The following C2 variants were observed in gnomAD, a reference collection of about 807,000 sequenced individuals.
C2 encodes the protein complement C2.
A neutral mutation model predicts 85.2 loss-of-function variants in C2; 64 were observed. The ratio of observed to expected loss-of-function variants is 0.75; its 90% confidence interval spans 0.61 to 0.92. C2 has a LOEUF of 0.92. Ranked by LOEUF, C2 falls within the 40% of genes least tolerant of loss-of-function variation. The pLI, the probability that C2 is intolerant of heterozygous loss-of-function variation, is 0.00. For synonymous variants in C2, 311 were observed against 370.8 expected (o/e 0.84, Z 1.85); for missense variants, 820 against 971.6 (o/e 0.84, Z 2.07).
chr6:31,944,966 C>T lies in C2; in HGVS notation c.2030-14C>T, dbSNP rs1771251788. The T allele has an allele frequency of 1.9e-6, 3 of 1,613,036 alleles. No individual in the cohort carries two copies. Among genetic ancestry groups the T allele is most frequent in the Non-Finnish European group, 1.7e-6 (2 of 1,179,994 alleles). ...CCCTAGATGACACTGTCTCCTGTCA[C>T]CCTTTGCTGGCAGGAGAATCTGGGG... On this transcript the variant is annotated splice_polypyrimidine_tract_variant and intron_variant, in intron 16 of 17. Transcript: ENST00000299367. This position sits in a 1 kb window ranked among gnomAD's most constrained non-coding sequence, Gnocchi z 5.1.
Position 31,928,175 on chromosome 6 carries a change from C to T in C2, c.256+11C>T, listed in dbSNP as rs771148474. The stretch of plus-strand genomic sequence containing the variant: ...AGGCGGTCTGCAAACGTGAGGCTCC[C>T]TGTGGGCTTTGCTCAGGGTGCTACA... On this transcript the variant is annotated intron_variant, in intron 2 of 17. Transcript: ENST00000299367. The T allele has an allele frequency of 4.4e-5, 70 of 1,599,882 alleles. No individual in the cohort carries two copies. Among genetic ancestry groups the T allele is most frequent in the East Asian group, 1.3e-4 (6 of 44,586 alleles).
chr6:31,929,662 G>T (rs948037232), intron 3 of C2, among the ~76,000 whole-genome samples: 30 of 145,048 alleles, frequency 2.1e-4, no homozygotes, highest in African/African-American at 7.4e-4. Flanking sequence ...AGATTGCAGT[G>T]AGCCGAGATT....
chr6:31,927,384 G>A, upstream of C2: 1 of 620,714 alleles, frequency 1.6e-6, no homozygotes, highest in Non-Finnish European at 2.4e-6. The surrounding 1 kb of genome is among the most constrained non-coding windows in gnomAD (Gnocchi z 4.7). Flanking sequence ...ACAAGAGCAA[G>A]GTGCATGTGT....
upstream of C2, among the ~76,000 whole-genome samples, chr6:31,915,194 T>G (rs58784982): frequency 0.025 from 3,789 of 152,272 alleles, 136 homozygotes; most frequent in African/African-American, 0.085. Flanking sequence ...TATCTAAAAT[T>G]CCATATAGCA....
upstream of C2, chr6:31,919,956 A>G (rs1273697798): frequency 6.6e-6 from 1 of 152,132 alleles, no homozygotes; most frequent in Non-Finnish European, 1.5e-5. Context: ...TGATGGTCCT[A>G]ATTCTCAAAG....
intron 3 of C2, among the ~76,000 whole-genome samples, chr6:31,930,484 G>A (rs1187064502): frequency 6.6e-6 from 1 of 152,202 alleles, no homozygotes; most frequent in African/African-American, 2.4e-5. Flanking sequence ...CTCAGTAGCT[G>A]GGAATGCAGG....
Position 31,945,617 on chromosome 6 carries a change from C to T in C2, c.*260C>T, listed in dbSNP as rs1771344194. On this transcript the variant is annotated 3_prime_UTR_variant, in exon 18 of 18. Transcript: ENST00000299367. This position sits in a 1 kb window ranked among gnomAD's most constrained non-coding sequence, Gnocchi z 5.3. Reference sequence around the variant, plus strand: ...TGGTTGACTTGACTCATGCTTGTTTCACTTTCACATGGAATTTCCCAGTTA... The same window carrying T: ...TGGTTGACTTGACTCATGCTTGTTTTACTTTCACATGGAATTTCCCAGTTA... 6 of 583,884 alleles carry T rather than the reference C, an allele frequency of 1.0e-5. No individual in the cohort carries two copies. Among genetic ancestry groups the T allele is most frequent in the African/African-American group, 1.9e-5 (1 of 53,650 alleles). The allele number at this position is 583,884 out of a possible 1,614,324, so 36.2% of individuals were successfully genotyped here.
intron 1 of C2, among the ~76,000 whole-genome samples, chr6:31,909,512 A>T (rs1019741063): frequency 1.3e-5 from 2 of 151,710 alleles, no homozygotes; most frequent in Non-Finnish European, 2.9e-5. Flanking sequence ...GCTGGTCTGG[A>T]ACTCCTGAGC....
At chr6:31,917,718 C>T (rs1481419475), upstream of C2, among the ~76,000 whole-genome samples, 1 of 151,824 alleles carries the variant, frequency 6.6e-6, no homozygotes, top group African/African-American at 2.4e-5. Context: ...CCAGCCTGGC[C>T]AACATGGTGA....
intron 1 of C2, among the ~76,000 whole-genome samples, chr6:31,903,850 C>T (rs1373356623): frequency 1.3e-5 from 2 of 151,810 alleles, no homozygotes; most frequent in Non-Finnish European, 2.9e-5. Context: ...TTTGTATGCC[C>T]GCACCCAGTT....
intron 1 of C2, among the ~76,000 whole-genome samples, chr6:31,909,944 G>A (rs1246400028): frequency 3.3e-5 from 5 of 151,364 alleles, no homozygotes; most frequent in Admixed American, 1.3e-4. Context: ...ACAGTGGTGC[G>A]ATCTTGGCTC....
At position 31,937,227 on chromosome 6, in the gene C2, A is replaced by C. The variant is rs537472753; in HGVS notation, c.989-92A>C. On this transcript the variant is annotated intron_variant, in intron 7 of 17. Coordinates refer to ENST00000299367, the MANE Select transcript of C2 (RefSeq NM_000063.6). ...CTCTCAAAAAAAAAAAAAAAATTGC[A>C]TTTCCAATAATTGGGGGAATAGAGT... is the stretch of plus-strand genomic sequence containing the variant. 2.5e-4 allele frequency: 349 copies of C among 1,375,498 alleles called. No homozygotes were observed. The East Asian group carries it at 4.5e-3, about 18-fold the overall frequency. The allele number at this position is 1,375,498 out of a possible 1,614,324, so 85.2% of individuals were successfully genotyped here.
At chr6:31,905,439 TA>T (rs5875339) in intron 1 of C2, among the ~76,000 whole-genome samples, 113,660 of 149,744 alleles carry the variant, frequency 0.76, 43,900 homozygotes, top group Middle Eastern at 0.9. Flanking sequence ...CCCTGTCTTT[TA>T]AAAAAAAAAT....
exon 1 of C2, chr6:31,901,075 A>C: frequency 6.2e-7 from 1 of 1,614,162 alleles, no homozygotes. Context: ...CGATGCGTGC[A>C]CTGTGCATCA....
At chr6:31,933,997 C>G (rs780889412) in intron 5 of C2, 32 bp downstream of exon 5, 19 of 1,591,704 alleles carry the variant, frequency 1.2e-5, no homozygotes, top group Non-Finnish European at 1.3e-5. Flanking sequence ...TCTGGTTGAG[C>G]AGGGTGCTGG....
chr6:31,906,982 CA>C (rs981303349), intron 1 of C2, among the ~76,000 whole-genome samples: 2 of 150,262 alleles, frequency 1.3e-5, no homozygotes, highest in South Asian at 2.1e-4. Flanking sequence ...ACTGAAAATG[CA>C]AAAAAAATTA....
Position 31,936,000 on chromosome 6 carries a change from G to A in C2, c.927G>A (p.Leu309=). ...AGCCCAAAGTCCTCATGTCTGTCCTGAACGACAACTCCCGGGATATGACTG... is the reference window on the plus strand; with the variant it reads ...AGCCCAAAGTCCTCATGTCTGTCCTAAACGACAACTCCCGGGATATGACTG... The part of the protein sequence containing the change: ...ASEPKVLMSV[L]NDNSRDMTEV... The change falls in exon 7 of 18, where the codon CTG becomes CTA. Residue 309 remains leucine, a synonymous_variant. Coordinates refer to ENST00000299367, the MANE Select transcript of C2 (RefSeq NM_000063.6). The surrounding 1 kb of genome is among the most constrained non-coding windows in gnomAD (Gnocchi z 4.3). 1 of 1,613,046 alleles carries A rather than the reference G, an allele frequency of 6.2e-7. No individual in the cohort carries two copies.
At chr6:31,910,652 G>C (rs1295877734) in intron 1 of C2, among the ~76,000 whole-genome samples, 2 of 152,036 alleles carry the variant, frequency 1.3e-5, no homozygotes, top group African/African-American at 4.8e-5. Flanking sequence ...TGAAATTTCT[G>C]ACTGTTAAAG....
chr6:31,939,367 T>C, intron 9 of C2, 47 bp downstream of exon 9: 1 of 1,350,630 alleles, frequency 7.4e-7, no homozygotes. Flanking sequence ...CCTGCAGAGG[T>C]CATGAGATCT....
Sources: gnomAD v4.1 joint callset for allele counts (sites outside exome capture counted in the v4.1 genomes callset) on GRCh38, gnomAD v4.1.1 for gene constraint, Gnocchi (gnomAD v3.1) non-coding constraint, MANE v1.5 for transcripts, NCBI Gene and HGNC (gene_info 2026-07-23, HGNC 2026-07-21) for gene names.